The following CYSTM1 variants were observed in gnomAD, a reference collection of about 807,000 sequenced individuals.
CYSTM1 encodes the protein cysteine-rich transmembrane module-containing protein 1.
Under a neutral mutation model 13.1 loss-of-function variants are expected in CYSTM1, and 4 were observed. The observed-to-expected ratio is 0.31, with a 90% confidence interval of 0.15 to 0.70. CYSTM1 has a LOEUF of 0.70. Among genes scored for constraint, CYSTM1 ranks in the 30% least tolerant of loss-of-function variants. The pLI is 0.72. For missense variants in CYSTM1, 96 were observed against 121.6 expected, an observed-to-expected ratio of 0.79 and a Z score of 0.99; for synonymous variants, 36 against 42.7, an observed-to-expected ratio of 0.84 and a Z score of 0.62.
rs187147851 is a variant in CYSTM1 at position 140,180,499 on chromosome 5, G to C, written c.-21+5214G>C. On this transcript the variant is annotated intron_variant, in intron 1 of 2. Coordinates refer to ENST00000261811, the MANE Select transcript of CYSTM1 (RefSeq NM_032412.4). ...AATGGGAGTCAGCAATTAAACAGCA[G>C]TAGTATAAAGCAAGGGAATTGAACA... Among the ~76,000 whole-genome samples, 187 of 152,320 alleles carry C rather than the reference G, an allele frequency of 1.2e-3. 3 individuals carry two copies. The highest frequency in any genetic ancestry group is 2.5e-4 in the Non-Finnish European group (17 of 68,028).
chr5:140,199,594 G>A (rs1244123167), intron 2 of CYSTM1, among the ~76,000 whole-genome samples: 6 of 152,102 alleles, frequency 3.9e-5, no homozygotes, highest in African/African-American at 1.2e-4. Flanking sequence ...GGGTTCAAGC[G>A]ATTCTCCTGC....
In CYSTM1 at chr5:140,175,684, C is replaced by G. The variant is rs763722933; in HGVS notation, c.-21+399C>G. Reference sequence around the variant, plus strand: ...TCGCCTTGGGCTGCGATTTCTGAGGCGCTGCTCTGCCTATTCCGAGCTGGG... The same window carrying G: ...TCGCCTTGGGCTGCGATTTCTGAGGGGCTGCTCTGCCTATTCCGAGCTGGG... On this transcript the variant is annotated intron_variant, in intron 1 of 2. Transcript: ENST00000261811. The surrounding 1 kb of genome is among the most constrained non-coding windows in gnomAD (Gnocchi z 4.9). 6.6e-6 allele frequency among the ~76,000 whole-genome samples: 1 copy of G among 152,230 alleles called. No homozygotes were observed. The highest frequency in any genetic ancestry group is 1.5e-5 in the Non-Finnish European group (1 of 68,048).
chr5:140,190,428 C>T (rs1764081244), intron 1 of CYSTM1, among the ~76,000 whole-genome samples: 1 of 152,078 alleles, frequency 6.6e-6, no homozygotes, highest in Admixed American at 6.5e-5. Context: ...TGTGCATAGG[C>T]TTTACTGTGG....
At chr5:140,210,667 A>G (rs904282387) in intron 2 of CYSTM1, among the ~76,000 whole-genome samples, 2 of 152,016 alleles carry the variant, frequency 1.3e-5, no homozygotes, top group African/African-American at 4.8e-5. Flanking sequence ...ATGCACCACG[A>G]TGCCCAGCTA....
chr5:140,220,717 A>G (rs1011659366), intron 2 of CYSTM1, among the ~76,000 whole-genome samples: 1 of 152,136 alleles, frequency 6.6e-6, no homozygotes, highest in Non-Finnish European at 1.5e-5. Context: ...TTTCTCCTTC[A>G]GCACATTTGC....
chr5:140,194,255 G>A (rs1764126000), intron 1 of CYSTM1, among the ~76,000 whole-genome samples, 191 bp from the exon 2 acceptor site: 1 of 152,108 alleles, frequency 6.6e-6, no homozygotes, highest in African/African-American at 2.4e-5. Flanking sequence ...TAGACAAAAG[G>A]CAAATAAATA....
At chr5:140,182,350 C>T (rs1414046548) in intron 1 of CYSTM1, among the ~76,000 whole-genome samples, 4 of 152,112 alleles carry the variant, frequency 2.6e-5, no homozygotes, top group African/African-American at 9.7e-5. Flanking sequence ...TTTCCTAAAA[C>T]TTGTGTGGTT....
chr5:140,242,302 C>T (rs78536169), intron 2 of CYSTM1, among the ~76,000 whole-genome samples: 4,077 of 152,232 alleles, frequency 0.027, 71 homozygotes, highest in Non-Finnish European at 0.04. Context: ...ACCCACTCAG[C>T]GTGCCCTGTA....
In CYSTM1 at chr5:140,190,340, G is replaced by A. The variant is rs1237208216; in HGVS notation, c.-20-4106G>A. Among the ~76,000 whole-genome samples, 5 of 151,388 alleles carry A rather than the reference G, an allele frequency of 3.3e-5. No individual in the cohort carries two copies. The East Asian group carries it at 9.7e-4, about 29-fold the overall frequency. Reference sequence around the variant, plus strand: ...TTGTTTTGATCTGTTTTTTATGTTGGAGGCCTTCCTCCAATGTCTGATAAT... The same window carrying A: ...TTGTTTTGATCTGTTTTTTATGTTGAAGGCCTTCCTCCAATGTCTGATAAT... On this transcript the variant is annotated intron_variant, in intron 1 of 2. Transcript: ENST00000261811.
chr5:140,178,112 A>G (rs1323310794), intron 1 of CYSTM1, among the ~76,000 whole-genome samples: 1 of 152,166 alleles, frequency 6.6e-6, no homozygotes. Context: ...GGCCTTTAAT[A>G]GAAATGCTCT....
chr5:140,226,586 T>TTATATATATATATATATATATATATATA (rs549334525), intron 2 of CYSTM1, among the ~76,000 whole-genome samples: 7 of 75,274 alleles, frequency 9.3e-5, no homozygotes, highest in South Asian at 5.7e-4. Context: ...ATACTAAATA[T>TTATATATATATATATATATATATATATA]TATATATATA....
In CYSTM1 at chr5:140,212,983, G is replaced by GTGTATATATATATATA. The variant is rs1405430820; in HGVS notation, c.187+18332_187+18333insGTATATATATATATAT. Among the ~76,000 whole-genome samples, 1,027 of 114,210 alleles carry GTGTATATATATATATA rather than the reference G, an allele frequency of 9.0e-3. 53 individuals carry two copies. Among genetic ancestry groups the GTGTATATATATATATA allele is most frequent in the Middle Eastern group, 0.019 (4 of 214 alleles). 74.9% of individuals were successfully genotyped at this position (114,210 alleles called of 152,430 possible). On this transcript the variant is annotated intron_variant, in intron 2 of 2. Transcript: ENST00000261811. ...ACTCTGTCTCAAAAACAAAACAAAA[G>GTGTATATATATATATA]TATATATATATATATATATATATAT...
At chr5:140,212,224 C>A (rs565166259) in intron 2 of CYSTM1, among the ~76,000 whole-genome samples, 1 of 152,066 alleles carries the variant, frequency 6.6e-6, no homozygotes, top group East Asian at 1.9e-4. Context: ...CATGCACCGC[C>A]GCATAAGGAT....
At chr5:140,199,695 G>A (rs1179200221) in intron 2 of CYSTM1, among the ~76,000 whole-genome samples, 1 of 152,166 alleles carries the variant, frequency 6.6e-6, no homozygotes, top group Non-Finnish European at 1.5e-5. Flanking sequence ...CACCATATTG[G>A]TCAGGCTGGT....
intron 2 of CYSTM1, among the ~76,000 whole-genome samples, chr5:140,232,135 G>A (rs753360514): frequency 6.6e-6 from 1 of 152,212 alleles, no homozygotes; most frequent in Admixed American, 6.5e-5. Context: ...CTGGAACTGG[G>A]TGCCTGGTGG....
At chr5:140,186,715 T>A (rs1245525143) in intron 1 of CYSTM1, among the ~76,000 whole-genome samples, 1 of 152,210 alleles carries the variant, frequency 6.6e-6, no homozygotes, top group East Asian at 1.9e-4. Flanking sequence ...GGGTTATAGT[T>A]GATGCTCCTA....
At chr5:140,233,141 C>A (rs1403605207) in intron 2 of CYSTM1, among the ~76,000 whole-genome samples, 1 of 152,208 alleles carries the variant, frequency 6.6e-6, no homozygotes, top group Non-Finnish European at 1.5e-5. Flanking sequence ...AGAGGAACCA[C>A]CCCCTACTTT....
chr5:140,205,342 G>A (rs1764287055), intron 2 of CYSTM1, among the ~76,000 whole-genome samples: 1 of 152,182 alleles, frequency 6.6e-6, no homozygotes, highest in African/African-American at 2.4e-5. Flanking sequence ...GAAGAGGAAG[G>A]AAATTTAACG....
chr5:140,197,019 G>C (rs748853674), intron 2 of CYSTM1, among the ~76,000 whole-genome samples: 1 of 152,214 alleles, frequency 6.6e-6, no homozygotes, highest in Non-Finnish European at 1.5e-5. Context: ...AGCAGAGAAA[G>C]ATAGCCCAGC....
Sources: gnomAD v4.1 joint callset for allele counts (sites outside exome capture counted in the v4.1 genomes callset) on GRCh38, gnomAD v4.1.1 for gene constraint, Gnocchi (gnomAD v3.1) non-coding constraint, MANE v1.5 for transcripts, NCBI Gene and HGNC (gene_info 2026-07-23, HGNC 2026-07-21) for gene names.